The following EXOC6B variants were observed in gnomAD, a reference collection of about 807,000 sequenced individuals.
EXOC6B encodes the protein SEC15 homolog B.
EXOC6B carries 54 observed loss-of-function variants against 113.5 expected under a neutral mutation model. The observed-to-expected ratio is 0.48, with a 90% confidence interval of 0.38 to 0.60. The LOEUF (loss-of-function observed/expected upper bound fraction) is 0.60, where lower values mean the gene tolerates loss of function less well. EXOC6B is among the 20% of genes least tolerant of loss of function. The pLI, the probability that EXOC6B is intolerant of heterozygous loss-of-function variation, is 0.00. For synonymous variants in EXOC6B, 357 were observed against 339.0 expected (o/e 1.05, Z -0.58); for missense variants, 797 against 977.5 (o/e 0.82, Z 2.46).
intron 6 of EXOC6B, among the ~76,000 whole-genome samples, chr2:72,635,590 C>G (rs1672759874): frequency 6.6e-6 from 1 of 152,114 alleles, no homozygotes; most frequent in South Asian, 2.1e-4. Flanking sequence ...AAAAAATCTC[C>G]AGGTGCATAT....
intron 20 of EXOC6B, among the ~76,000 whole-genome samples, chr2:72,252,590 C>T (rs1683093239): frequency 6.6e-6 from 1 of 152,198 alleles, no homozygotes; most frequent in African/African-American, 2.4e-5. Context: ...CTGAATGAGT[C>T]ACTTCATAGT....
intron 18 of EXOC6B, among the ~76,000 whole-genome samples, chr2:72,443,573 C>T (rs914056780): frequency 2.4e-4 from 36 of 152,204 alleles, no homozygotes; most frequent in Middle Eastern, 3.4e-3. Context: ...TAAAAACATA[C>T]CTAAGACTGG....
intron 20 of EXOC6B, among the ~76,000 whole-genome samples, chr2:72,317,022 G>C (rs1054094523): frequency 6.6e-6 from 1 of 152,152 alleles, no homozygotes; most frequent in Non-Finnish European, 1.5e-5. Flanking sequence ...ACATGGGGAA[G>C]AGTGACAGAA....
At chr2:72,215,418 T>C (rs1035383032) in intron 20 of EXOC6B, among the ~76,000 whole-genome samples, 18 of 152,120 alleles carry the variant, frequency 1.2e-4, no homozygotes, top group Non-Finnish European at 2.9e-5. Context: ...ACTCCCTTAT[T>C]TCACACAACG....
At chr2:72,438,440 C>A (rs1364110938) in intron 18 of EXOC6B, among the ~76,000 whole-genome samples, 2 of 152,136 alleles carry the variant, frequency 1.3e-5, no homozygotes, top group African/African-American at 2.4e-5. Context: ...GAGACCCCAT[C>A]TCTACAGAAA....
intron 20 of EXOC6B, among the ~76,000 whole-genome samples, chr2:72,222,805 T>C (rs560335251): frequency 6.6e-6 from 1 of 152,316 alleles, no homozygotes; most frequent in African/African-American, 2.4e-5. Context: ...CACAAGCTAC[T>C]TTGAACCCTA....
chr2:72,538,131 T>TTTTTAA (rs1702404190), intron 8 of EXOC6B, among the ~76,000 whole-genome samples: 1 of 151,840 alleles, frequency 6.6e-6, no homozygotes, highest in South Asian at 2.1e-4. Context: ...CTAATTTTTG[T>TTTTTAA]TTTTAATTTT....
intron 7 of EXOC6B, among the ~76,000 whole-genome samples, chr2:72,567,137 G>A (rs1704227055): frequency 6.6e-6 from 1 of 151,780 alleles, no homozygotes; most frequent in African/African-American, 2.4e-5. Flanking sequence ...AATAAGGATA[G>A]TTGAACCCTA....
intron 20 of EXOC6B, among the ~76,000 whole-genome samples, chr2:72,315,447 A>G (rs1393973817): frequency 6.6e-6 from 1 of 152,108 alleles, no homozygotes; most frequent in Non-Finnish European, 1.5e-5. Context: ...GATTTTAGGA[A>G]GAGGAATGAT....
At chr2:72,545,924 A>G (rs943031309) in intron 8 of EXOC6B, among the ~76,000 whole-genome samples, 6 of 152,202 alleles carry the variant, frequency 3.9e-5, no homozygotes, top group Non-Finnish European at 7.3e-5. Context: ...CTCAGGAAAC[A>G]TATCACTTAG....
chr2:72,574,423 A>G (rs1704704828), intron 7 of EXOC6B, among the ~76,000 whole-genome samples: 1 of 152,178 alleles, frequency 6.6e-6, no homozygotes, highest in Non-Finnish European at 1.5e-5. Flanking sequence ...TACTGCCTCT[A>G]CTTAATAGGT....
chr2:72,641,976 C>T (rs941606995), intron 6 of EXOC6B, among the ~76,000 whole-genome samples: 19 of 152,350 alleles, frequency 1.2e-4, no homozygotes, highest in Non-Finnish European at 2.2e-4. Context: ...CAAACTCTAA[C>T]AAACCTGCAG....
At chr2:72,307,160 A>ATTTTTTTTTTTTTTTTTTTTT (rs1686912321) in intron 20 of EXOC6B, among the ~76,000 whole-genome samples, 1 of 107,760 alleles carries the variant, frequency 9.3e-6, no homozygotes, top group African/African-American at 8.6e-5. Context: ...GGTATAGTCC[A>ATTTTTTTTTTTTTTTTTTTTT]GTTTTTTTTT....
chr2:72,700,843 C>T lies in EXOC6B; in HGVS notation c.669+17260G>A, dbSNP rs113934901. 3.4e-3 allele frequency among the ~76,000 whole-genome samples: 512 copies of T among 152,124 alleles called. 2 individuals carry two copies. The highest frequency in any genetic ancestry group is 0.012 in the African/African-American group (487 of 41,514). On this transcript the variant is annotated intron_variant, in intron 6 of 21. Coordinates refer to ENST00000272427, the MANE Select transcript of EXOC6B (RefSeq NM_015189.3). ...GAGGGTGCCTGTAATCCCAGCTACTCGGGAGGCTGAGGCAAGAGAATCGCT... is the reference window on the plus strand; with the variant it reads ...GAGGGTGCCTGTAATCCCAGCTACTTGGGAGGCTGAGGCAAGAGAATCGCT...
At chr2:72,265,349 C>A (rs1362550362) in intron 20 of EXOC6B, among the ~76,000 whole-genome samples, 3 of 150,168 alleles carry the variant, frequency 2.0e-5, no homozygotes, top group Non-Finnish European at 3.0e-5. Flanking sequence ...GTGTGCTGCA[C>A]CCATTAACTC....
intron 1 of EXOC6B, among the ~76,000 whole-genome samples, chr2:72,765,687 A>G (rs1002487459): frequency 6.6e-6 from 1 of 152,148 alleles, no homozygotes; most frequent in Admixed American, 6.5e-5. Flanking sequence ...AAACAAAAAC[A>G]AAAACAAAAA....
chr2:72,731,205 T>C lies in EXOC6B; in HGVS notation c.368A>G (p.Gln123Arg). 2 of 1,613,432 alleles carry C rather than the reference T, an allele frequency of 1.2e-6. No homozygotes were observed. The highest frequency in any genetic ancestry group is 2.2e-5 in the East Asian group (1 of 44,854). ...AACAGTGGCAGAAATATTTCTCTGTTGTAGTCGACACTGCTTCAGCTCTTC... is the reference window on the plus strand; with the variant it reads ...AACAGTGGCAGAAATATTTCTCTGTCGTAGTCGACACTGCTTCAGCTCTTC... Reference protein sequence around the residue: ...AMEELKQCRLQQRNISATVDK... With the variant: ...AMEELKQCRLRQRNISATVDK... The change falls in exon 4 of 22, where the codon CAA (glutamine) becomes CGA (arginine). Residue 123 changes from glutamine to arginine, a missense_variant. By Grantham distance (43) the Gln-to-Arg change is conservative. Transcript: ENST00000272427.
intron 18 of EXOC6B, among the ~76,000 whole-genome samples, chr2:72,447,285 A>AT (rs1696644554): frequency 6.6e-6 from 1 of 152,150 alleles, no homozygotes; most frequent in African/African-American, 2.4e-5. Flanking sequence ...TCTTTATTTC[A>AT]TTTTTGTATC....
At chr2:72,715,267 C>T (rs1679536982) in intron 6 of EXOC6B, among the ~76,000 whole-genome samples, 2 of 151,466 alleles carry the variant, frequency 1.3e-5, no homozygotes, top group South Asian at 4.2e-4. Context: ...TTAAACCAAC[C>T]CTCAGGCAAA....
Sources: allele counts gnomAD v4.1 joint callset (sites outside exome capture counted in the v4.1 genomes callset), GRCh38; gene constraint gnomAD v4.1.1; transcripts MANE v1.5; gene names NCBI Gene and HGNC (gene_info 2026-07-23, HGNC 2026-07-21).